Variants in NFE2L3 observed in about 807,000 individuals in gnomAD.
The protein encoded by NFE2L3 is NFE2 like bZIP transcription factor 3.
A neutral mutation model predicts 23.5 loss-of-function variants in NFE2L3; 18 were observed. The observed-to-expected ratio is 0.77, with a 90% CI of 0.53 to 1.13. The LOEUF (loss-of-function observed/expected upper bound fraction) is 1.13, where lower values mean the gene tolerates loss of function less well. Ranked by LOEUF, NFE2L3 falls within the 50% of genes most tolerant of loss-of-function variation. The pLI, the probability that NFE2L3 is intolerant of heterozygous loss-of-function variation, is 0.00. For missense variants in NFE2L3, 1,152 were observed against 877.2 expected (o/e 1.31, Z -3.96); for synonymous variants, 424 against 354.5 (o/e 1.20, Z -2.20).
At chr7:26,160,742 C>A (rs893019153) in intron 1 of NFE2L3, among the ~76,000 whole-genome samples, 1 of 152,208 alleles carries the variant, frequency 6.6e-6, no homozygotes, top group South Asian at 2.1e-4. Flanking sequence ...TAGATGCTAA[C>A]CACATGTACA....
chr7:26,183,770 G>A lies in NFE2L3; in HGVS notation c.820G>A (p.Glu274Lys). The A allele has an allele frequency of 6.2e-7, 1 of 1,612,084 alleles. No homozygotes were observed. Among genetic ancestry groups the A allele is most frequent in the Non-Finnish European group, 8.5e-7 (1 of 1,178,142 alleles). Residue 274 changes from glutamate to lysine, a missense_variant, in exon 3 of 4, where the codon GAA becomes AAA. Coordinates refer to ENST00000056233, the MANE Select transcript of NFE2L3 (RefSeq NM_004289.7). ...ATTCCAGTTGCTTTCATCACAGCCT[G>A]AAAATTCACTGGAGGTAATTGGAAC... ...DLFQLLSSQP[E>K]NSLEGISLGD... is the part of the protein sequence containing the mutation.
intron 1 of NFE2L3, among the ~76,000 whole-genome samples, chr7:26,177,506 ACAATCACGGGAGCCCGAGGCAGGG>A (rs761962937): frequency 6.6e-6 from 1 of 152,172 alleles, no homozygotes; most frequent in Non-Finnish European, 1.5e-5. Context: ...CCGAGGCAGG[ACAATCACGGGAGCCCGAGGCAGGG>A]AGGTTGCAGC....
At chr7:26,181,713 G>T (rs1379962756) in intron 2 of NFE2L3, among the ~76,000 whole-genome samples, 1 of 152,102 alleles carries the variant, frequency 6.6e-6, no homozygotes, top group African/African-American at 2.4e-5. Flanking sequence ...CTCTGAAAAA[G>T]ACTCTAAATC....
Position 26,185,868 on chromosome 7 carries a change from CAAG to C in NFE2L3, c.*88_*90del. ...GGATCAGAAACCATTGAAACTGCTTCAAGAATTGTATCTTTAAGTACTGCTACT... is the reference window on the plus strand; with the variant it reads ...GGATCAGAAACCATTGAAACTGCTTCAATTGTATCTTTAAGTACTGCTACT... On this transcript the variant is annotated 3_prime_UTR_variant, in exon 4 of 4. Coordinates refer to ENST00000056233, the MANE Select transcript of NFE2L3 (RefSeq NM_004289.7). 1 of 1,124,032 alleles carries C rather than the reference CAAG, an allele frequency of 8.9e-7. No homozygotes were observed. The highest frequency in any genetic ancestry group is 2.6e-5 in the East Asian group (1 of 38,692). 69.6% of individuals were successfully genotyped at this position (1,124,032 alleles called of 1,614,324 possible).
Position 26,184,753 on chromosome 7 carries a change from C to T in NFE2L3, c.1055C>T (p.Pro352Leu), listed in dbSNP as rs1226696363. 2 of 1,613,914 alleles carry T rather than the reference C, an allele frequency of 1.2e-6. No individual in the cohort carries two copies. Among genetic ancestry groups the T allele is most frequent in the Admixed American group, 3.3e-5 (2 of 60,016 alleles). Residue 352 changes from proline (P) to leucine (L), a missense_variant, in exon 4 of 4, where the codon CCT becomes CTT. Pro to Leu is a moderately conservative substitution (Grantham distance 98, BLOSUM62 -3). Transcript: ENST00000056233. The stretch of plus-strand genomic sequence containing the variant: ...CAGTTAAATTCTCATACCACCAATC[C>T]TGAGCAAACCCTTCCTGGAACTAAT... Reference protein sequence around the residue: ...FLQLNSHTTNPEQTLPGTNLT... With the variant: ...FLQLNSHTTNLEQTLPGTNLT...
At chr7:26,179,043 T>C (rs1177492739) in intron 2 of NFE2L3, among the ~76,000 whole-genome samples, 1 of 152,136 alleles carries the variant, frequency 6.6e-6, no homozygotes, top group East Asian at 1.9e-4. Context: ...CATTACTTAT[T>C]TTGCATGAAA....
chr7:26,154,965 T>G (rs1784059726), intron 1 of NFE2L3, among the ~76,000 whole-genome samples: 1 of 152,180 alleles, frequency 6.6e-6, no homozygotes, highest in African/African-American at 2.4e-5. Context: ...CTCCTGGCAG[T>G]GCCTTCCTGG....
chr7:26,184,981 ATAATAC>A lies in NFE2L3; in HGVS notation c.1284_1289del (p.Asn429_Thr430del). On this transcript the variant is annotated inframe_deletion, in exon 4 of 4. Coordinates refer to ENST00000056233, the MANE Select transcript of NFE2L3 (RefSeq NM_004289.7). ...GGCCTTTCTTTAGATTCAAGTCACAATAATACCTCTGTCATCAAGTCTAATTCCTCT... is the reference window on the plus strand; with the variant it reads ...GGCCTTTCTTTAGATTCAAGTCACAACTCTGTCATCAAGTCTAATTCCTCT... The A allele has an allele frequency of 1.2e-6, 2 of 1,613,856 alleles. No individual in the cohort carries two copies. Among genetic ancestry groups the A allele is most frequent in the Non-Finnish European group, 1.7e-6 (2 of 1,179,818 alleles).
At chr7:26,154,558 G>A (rs1367703762) in intron 1 of NFE2L3, among the ~76,000 whole-genome samples, 1 of 152,076 alleles carries the variant, frequency 6.6e-6, no homozygotes, top group Non-Finnish European at 1.5e-5. Context: ...TTTTTTGTTT[G>A]TTTTGTTTTA....
chr7:26,185,343 T>C lies in NFE2L3; in HGVS notation c.1645T>C (p.Phe549Leu), dbSNP rs1165881019. Residue 549 changes from phenylalanine (F) to leucine (L), a missense_variant, in exon 4 of 4, where the codon TTT (phenylalanine) becomes CTT (leucine). Physicochemically the swap from Phe to Leu is conservative, Grantham distance 22. Coordinates refer to ENST00000056233, the MANE Select transcript of NFE2L3 (RefSeq NM_004289.7). The stretch of plus-strand genomic sequence containing the variant: ...GCGTGCTAAAGCTTTGCATATCCCT[T>C]TTTCTGTAGATGAAATTGTCGGCAT... ...EQRAKALHIP[F>L]SVDEIVGMPV... The C allele has an allele frequency of 1.9e-6, 3 of 1,614,130 alleles. No homozygotes were observed. Among genetic ancestry groups the C allele is most frequent in the African/African-American group, 1.3e-5 (1 of 75,040 alleles).
Position 26,178,107 on chromosome 7 carries a change from T to G in NFE2L3, c.735T>G (p.Thr245=), listed in dbSNP as rs1784446619. 1 of 1,613,080 alleles carries G rather than the reference T, an allele frequency of 6.2e-7. No individual in the cohort carries two copies. The highest frequency in any genetic ancestry group is 1.3e-5 in the African/African-American group (1 of 74,828). The change falls in exon 2 of 4, where the codon ACT becomes ACG. Residue 245 remains threonine (T), a synonymous_variant. Transcript: ENST00000056233. The part of the protein sequence containing the change: ...EKPDWEAEKT[T]ESRNERHLNG... ...CTGACTGGGAGGCAGAAAAGACCACTGAATCTAGAAATGAGGTAAGCCTGT... is the reference window on the plus strand; with the variant it reads ...CTGACTGGGAGGCAGAAAAGACCACGGAATCTAGAAATGAGGTAAGCCTGT...
chr7:26,167,635 C>T (rs368017692), intron 1 of NFE2L3, among the ~76,000 whole-genome samples: 1 of 152,014 alleles, frequency 6.6e-6, no homozygotes, highest in African/African-American at 2.4e-5. Flanking sequence ...AAATAAAGAG[C>T]ATGAACTATA....
At chr7:26,183,646 C>A in intron 2 of NFE2L3, 55 bp from the exon 3 acceptor site, 3 of 1,084,222 alleles carry the variant, frequency 2.8e-6, no homozygotes, top group African/African-American at 1.6e-5. Flanking sequence ...AAGCCTAAAG[C>A]CCCAACCAGT....
In NFE2L3 at chr7:26,187,075, A is replaced by G. The variant is rs1782506295; in HGVS notation, c.*1292A>G. 1 of 152,226 alleles carries G rather than the reference A, an allele frequency of 6.6e-6. No homozygotes were observed. Among genetic ancestry groups the G allele is most frequent in the Admixed American group, 6.5e-5 (1 of 15,284 alleles). 9.4% of individuals were successfully genotyped at this position (152,226 alleles called of 1,614,324 possible). ...TAAGTATCTTGGGCTAGAGAAATGC[A>G]GTTTATATATACCGTTGGATTTTTA... On this transcript the variant is annotated 3_prime_UTR_variant, in exon 4 of 4. Coordinates refer to ENST00000056233, the MANE Select transcript of NFE2L3 (RefSeq NM_004289.7).
intron 1 of NFE2L3, 62 bp from the exon 2 acceptor site, chr7:26,177,881 A>G (rs996400046): frequency 7.0e-7 from 1 of 1,429,424 alleles, no homozygotes. Flanking sequence ...GTCCCTGAAC[A>G]ATAAGCACAA....
chr7:26,185,150 T>A lies in NFE2L3; in HGVS notation c.1452T>A (p.Asp484Glu), dbSNP rs1782448346. 1 of 1,613,762 alleles carries A rather than the reference T, an allele frequency of 6.2e-7. No individual in the cohort carries two copies. Among genetic ancestry groups the A allele is most frequent in the Non-Finnish European group, 8.5e-7 (1 of 1,179,850 alleles). Reference protein sequence around the residue: ...KLCHLDQSDSDFHGDLTFQHV... With the variant: ...KLCHLDQSDSEFHGDLTFQHV... The stretch of plus-strand genomic sequence containing the variant: ...GTCACTTGGATCAAAGTGATTCTGA[T>A]TTCCATGGAGATCTTACATTTCAAC... The change falls in exon 4 of 4, where the codon GAT becomes GAA. Residue 484 changes from aspartate to glutamate, a missense_variant. Coordinates refer to ENST00000056233, the MANE Select transcript of NFE2L3 (RefSeq NM_004289.7).
intron 1 of NFE2L3, among the ~76,000 whole-genome samples, chr7:26,157,345 T>C (rs1341902111): frequency 4.9e-5 from 7 of 143,244 alleles, no homozygotes; most frequent in African/African-American, 1.8e-4. Flanking sequence ...TTCTGGCTGA[T>C]TTTTTTTTTT....
chr7:26,176,738 C>T (rs1234785587), intron 1 of NFE2L3, among the ~76,000 whole-genome samples: 6 of 59,762 alleles, frequency 1.0e-4, no homozygotes, highest in Admixed American at 3.6e-4. Flanking sequence ...AGACGATGGG[C>T]AGCCGGGCAG....
At chr7:26,162,805 C>T (rs1005750754) in intron 1 of NFE2L3, among the ~76,000 whole-genome samples, 1 of 151,986 alleles carries the variant, frequency 6.6e-6, no homozygotes, top group South Asian at 2.1e-4. Flanking sequence ...CTTGACCTCC[C>T]AGGCTCAGGT....
Sources: allele counts gnomAD v4.1 joint callset (sites outside exome capture counted in the v4.1 genomes callset), GRCh38; gene constraint gnomAD v4.1.1; transcripts MANE v1.5; gene names NCBI Gene and HGNC (gene_info 2026-07-23, HGNC 2026-07-21).